Variants in FREM3 observed in about 807,000 individuals in gnomAD.
FREM3 encodes the protein FRAS1-related extracellular matrix protein 3.
FREM3 carries 105 observed loss-of-function variants against 129.1 expected under a neutral mutation model. The ratio of observed to expected loss-of-function variants is 0.81; its 90% CI spans 0.69 to 0.96. The LOEUF (loss-of-function observed/expected upper bound fraction) is 0.96, where lower values mean the gene tolerates loss of function less well. Among genes scored for constraint, FREM3 ranks in the 40% least tolerant of loss-of-function variants. FREM3 has a pLI of 0.00. For missense variants in FREM3, 2,593 were observed against 2,666.3 expected (o/e 0.97, Z 0.61); for synonymous variants, 1,014 against 1,044.9 (o/e 0.97, Z 0.57).
chr4:143,616,649 C>T (rs550614757), intron 5 of FREM3, among the ~76,000 whole-genome samples: 5 of 152,100 alleles, frequency 3.3e-5, no homozygotes, highest in African/African-American at 7.2e-5. Flanking sequence ...GAAAATTAGC[C>T]GGGCGTGGTG....
intron 4 of FREM3, among the ~76,000 whole-genome samples, 173 bp downstream of exon 4, chr4:143,623,935 A>G (rs539873793): frequency 3.9e-5 from 6 of 152,336 alleles, no homozygotes; most frequent in African/African-American, 1.2e-4. Context: ...GTCTTTCAAA[A>G]ATCCTGAGAG....
At chr4:143,678,284 G>A (rs1740183465) in intron 2 of FREM3, among the ~76,000 whole-genome samples, 2 of 151,930 alleles carry the variant, frequency 1.3e-5, no homozygotes, top group African/African-American at 4.8e-5. Flanking sequence ...GCAAACTATT[G>A]CAAGGACAAA....
rs982093605 is a variant in FREM3, at chr4:143,695,638, C to A, written c.5038G>T (p.Gly1680Cys). 3 of 1,537,178 alleles carry A rather than the reference C, an allele frequency of 2.0e-6. No homozygotes were observed. The highest frequency in any genetic ancestry group is 2.6e-6 in the Non-Finnish European group (3 of 1,146,904). Residue 1680 changes from glycine to cysteine, a missense_variant, in exon 1 of 8, where the codon GGC becomes TGC. Gly to Cys is a radical substitution (Grantham distance 159, BLOSUM62 -3). This residue lies in a region of FREM3 where 2,276 missense variants were observed against 2,267.2 expected (regional missense o/e 1.00). Transcript: ENST00000329798. ...ALKRLHTGHM[G>C]FLITSKSLKA... ...AGAGACTTGCTGGTAATCAGGAAGCCCATGTGTCCAGTGTGAAGGCGCTTC... is the reference window on the plus strand; with the variant it reads ...AGAGACTTGCTGGTAATCAGGAAGCACATGTGTCCAGTGTGAAGGCGCTTC...
chr4:143,679,161 A>C lies in FREM3; in HGVS notation c.5275+13952T>G, dbSNP rs116636288. On this transcript the variant is annotated intron_variant, in intron 2 of 7. Transcript: ENST00000329798. ...TTATAGGTCATTTAAAATTTCTCGG[A>C]CTATTTAAAAAATACCACTAAATTC... is the stretch of plus-strand genomic sequence containing the variant. Among the ~76,000 whole-genome samples, 1,044 of 152,334 alleles carry C rather than the reference A, an allele frequency of 6.9e-3. 16 individuals are homozygous for C. The highest frequency in any genetic ancestry group is 0.024 in the African/African-American group (988 of 41,578).
At position 143,690,017 on chromosome 4, in the gene FREM3, TAAAA is replaced by T. The variant is rs34995101; in HGVS notation, c.5275+3092_5275+3095del. ...TACCACCAAAAACTTATGGAAAAAT[TAAAA>T]AAAAAAAAAAAAAAGAAATGCAGCC... On this transcript the variant is annotated intron_variant, in intron 2 of 7. Transcript: ENST00000329798. Among the ~76,000 whole-genome samples the T allele has an allele frequency of 8.3e-3, 1,138 of 136,564 alleles. 13 individuals carry two copies. The highest frequency in any genetic ancestry group is 0.029 in the African/African-American group (1,066 of 37,338). 89.6% of individuals were successfully genotyped at this position (136,564 alleles called of 152,430 possible).
rs1738067235 is a variant in FREM3 at position 143,577,810 on chromosome 4, G to A, written c.6221C>T (p.Ala2074Val). 1.3e-6 allele frequency: 2 copies of A among 1,537,236 alleles called. No individual in the cohort carries two copies. Among genetic ancestry groups the A allele is most frequent in the Non-Finnish European group, 8.7e-7 (1 of 1,146,882 alleles). ...YVGISRNLDF[A>V]PGVRMQTFQV... Reference sequence around the variant, plus strand: ...GAATGTCTGCATGCGCACGCCTGGAGCAAAGTCCAGGTTTCGGCTGATACC... The same window carrying A: ...GAATGTCTGCATGCGCACGCCTGGAACAAAGTCCAGGTTTCGGCTGATACC... The change falls in exon 8 of 8, where the codon GCT becomes GTT. Residue 2074 changes from alanine (A) to valine (V), a missense_variant. Coordinates refer to ENST00000329798, the MANE Select transcript of FREM3 (RefSeq NM_001168235.2).
chr4:143,609,207 T>G (rs942572808), intron 6 of FREM3, among the ~76,000 whole-genome samples: 1 of 152,182 alleles, frequency 6.6e-6, no homozygotes, highest in African/African-American at 2.4e-5. Flanking sequence ...TTGCTGACTC[T>G]GTTGTTCCAC....
chr4:143,698,299 A>G lies in FREM3; in HGVS notation c.2377T>C (p.Leu793=), dbSNP rs967012944. 2.0e-6 allele frequency: 3 copies of G among 1,537,674 alleles called. No homozygotes were observed. The highest frequency in any genetic ancestry group is 1.7e-6 in the Non-Finnish European group (2 of 1,147,034). ...TGCACAACCCGTGGTGCAATACCCA[A>G]TTTCTGTGGAGGCTGGTAGGCAACT... The part of the protein sequence containing the change: ...HKVAYQPPQK[L]GIAPRVVQFT... The change falls in exon 1 of 8, where the codon TTG becomes CTG. Residue 793 remains leucine, a synonymous_variant. Transcript: ENST00000329798.
chr4:143,678,587 G>A (rs1740191843), intron 2 of FREM3, among the ~76,000 whole-genome samples: 1 of 151,804 alleles, frequency 6.6e-6, no homozygotes. Context: ...TGTGTTTGAA[G>A]CAACTATGGA....
chr4:143,696,187 A>G lies in FREM3; in HGVS notation c.4489T>C (p.Ser1497Pro). 6.5e-7 allele frequency: 1 copy of G among 1,537,796 alleles called. No homozygotes were observed. The highest frequency in any genetic ancestry group is 8.7e-7 in the Non-Finnish European group (1 of 1,147,044). ...TCATCATTTGAAGTATGGACATAGG[A>G]TATTTTGTTGCTAGCCAATTGAAGT... ...TQLQLASNKI[S>P]YVHTSNDEKK... The change falls in exon 1 of 8, where the codon TCC becomes CCC. Residue 1497 changes from serine to proline, a missense_variant. Physicochemically the swap from Ser to Pro is moderately conservative, Grantham distance 74 (BLOSUM62 -1). This residue lies in a region of FREM3 where 2,276 missense variants were observed against 2,267.2 expected (regional missense o/e 1.00). Coordinates refer to ENST00000329798, the MANE Select transcript of FREM3 (RefSeq NM_001168235.2).
Position 143,698,561 on chromosome 4 carries a change from C to T in FREM3, c.2115G>A (p.Leu705=), listed in dbSNP as rs1381103243. 2.6e-6 allele frequency: 4 copies of T among 1,537,460 alleles called. No individual in the cohort carries two copies. Among genetic ancestry groups the T allele is most frequent in the Admixed American group, 3.9e-5 (2 of 50,980 alleles). The change falls in exon 1 of 8, where the codon CTG becomes CTA. Residue 705 remains leucine, a synonymous_variant. Transcript: ENST00000329798. ...TCATTTCTAGTGTAGTTCCTGGATACAGCTGTGGACTCAGTATATCCACTG... is the reference window on the plus strand; with the variant it reads ...TCATTTCTAGTGTAGTTCCTGGATATAGCTGTGGACTCAGTATATCCACTG... ...VQPVDILSPQ[L]YPGTTLEMTV... is the part of the protein sequence containing the mutation.
At chr4:143,590,498 C>T (rs1410536733) in intron 6 of FREM3, among the ~76,000 whole-genome samples, 13 of 152,112 alleles carry the variant, frequency 8.5e-5, no homozygotes, top group Non-Finnish European at 1.3e-4. Context: ...GAGATAATCA[C>T]GTGTTTTTTG....
chr4:143,668,153 C>T (rs890223751), intron 2 of FREM3, among the ~76,000 whole-genome samples: 2 of 152,144 alleles, frequency 1.3e-5, no homozygotes, highest in African/African-American at 2.4e-5. Context: ...AATAAAGTCA[C>T]AGGTGGAGTA....
intron 2 of FREM3, among the ~76,000 whole-genome samples, chr4:143,690,946 C>T (rs940106229): frequency 2.6e-5 from 4 of 152,008 alleles, no homozygotes; most frequent in African/African-American, 7.2e-5. Context: ...GCCTAGAGTT[C>T]GAGGTTGCAG....
In FREM3 at chr4:143,603,047, G is replaced by A. The variant is rs77351412; in HGVS notation, c.6028+8232C>T. Among the ~76,000 whole-genome samples the A allele has an allele frequency of 9.5e-4, 144 of 152,284 alleles. No individual in the cohort carries two copies. The East Asian group carries it at 0.026, about 27-fold the overall frequency. ...TGCCCAGTAGAGCCTCCTTTAAGGA[G>A]AGAATCTATTAACCAGAGGACTCTG... On this transcript the variant is annotated intron_variant, in intron 6 of 7. Coordinates refer to ENST00000329798, the MANE Select transcript of FREM3 (RefSeq NM_001168235.2).
At chr4:143,684,233 A>G (rs1302653587) in intron 2 of FREM3, among the ~76,000 whole-genome samples, 2 of 152,174 alleles carry the variant, frequency 1.3e-5, no homozygotes, top group Non-Finnish European at 1.5e-5. Flanking sequence ...CACCAAAGCT[A>G]AGGACCCTCA....
At chr4:143,608,034 T>C (rs1578832485) in intron 6 of FREM3, among the ~76,000 whole-genome samples, 1 of 152,184 alleles carries the variant, frequency 6.6e-6, no homozygotes, top group East Asian at 1.9e-4. Context: ...CTCCCCTTTT[T>C]CTCTGTGATC....
chr4:143,687,795 T>C (rs1314834958), intron 2 of FREM3, among the ~76,000 whole-genome samples: 1 of 152,150 alleles, frequency 6.6e-6, no homozygotes, highest in Non-Finnish European at 1.5e-5. Flanking sequence ...AGAAAGAGCA[T>C]TTGACAAAAT....
intron 2 of FREM3, among the ~76,000 whole-genome samples, chr4:143,680,016 G>A (rs1453894702): frequency 6.6e-6 from 1 of 151,976 alleles, no homozygotes; most frequent in African/African-American, 2.4e-5. Context: ...AACGAAGTTG[G>A]TTGTGATGTA....
Sources: gnomAD v4.1 joint callset for allele counts (sites outside exome capture counted in the v4.1 genomes callset) on GRCh38, gnomAD v4.1.1 for gene constraint, gnomAD v4.1.1 regional missense constraint, MANE v1.5 for transcripts, NCBI Gene and HGNC (gene_info 2026-07-23, HGNC 2026-07-21) for gene names.